Variants in GPC6 observed in about 807,000 individuals in gnomAD.
GPC6 encodes glypican-6.
Under a neutral mutation model 55.2 loss-of-function variants are expected in GPC6, and 14 were observed. The observed-to-expected ratio is 0.25, with a 90% confidence interval of 0.17 to 0.40. The LOEUF (loss-of-function observed/expected upper bound fraction) is 0.40, where lower values mean the gene tolerates loss of function less well. Among genes scored for constraint, GPC6 ranks in the 10% least tolerant of loss-of-function variants. The probability of loss-of-function intolerance (pLI) is 1.00; values close to 1 mark genes in which losing one functional copy is unlikely to be tolerated. For missense variants in GPC6, 641 were observed against 708.5 expected (o/e 0.90, Z 1.08); for synonymous variants, 278 against 259.6 (o/e 1.07, Z -0.68).
At chr13:93,544,375 A>G (rs569452568) in intron 1 of GPC6, among the ~76,000 whole-genome samples, 101 of 152,270 alleles carry the variant, frequency 6.6e-4, no homozygotes, top group Admixed American at 2.0e-3. Context: ...ATTTGTTTTC[A>G]GTGTCCTATG....
intron 2 of GPC6, among the ~76,000 whole-genome samples, chr13:93,691,825 C>CT (rs1299672457): frequency 5.3e-5 from 8 of 151,918 alleles, no homozygotes; most frequent in Non-Finnish European, 1.2e-4. Context: ...TTAAATTTAA[C>CT]TTGTTCAGTA....
At chr13:93,357,530 T>A (rs946670529) in intron 1 of GPC6, among the ~76,000 whole-genome samples, 3 of 152,166 alleles carry the variant, frequency 2.0e-5, no homozygotes, top group African/African-American at 7.2e-5. Context: ...CTGGGCAAAA[T>A]AAGTATTTTC....
At chr13:94,138,210 C>A (rs1887254258) in intron 4 of GPC6, among the ~76,000 whole-genome samples, 1 of 152,204 alleles carries the variant, frequency 6.6e-6, no homozygotes, top group Admixed American at 6.5e-5. Context: ...GATGCTCAAC[C>A]ATTAAGTATA....
intron 1 of GPC6, among the ~76,000 whole-genome samples, chr13:93,468,148 CTT>C (rs1477551146): frequency 6.6e-6 from 1 of 151,912 alleles, no homozygotes; most frequent in Non-Finnish European, 1.5e-5. Context: ...CCTGAAAACT[CTT>C]TAGTAGAGTC....
At chr13:93,689,771 A>G (rs971897123) in intron 2 of GPC6, among the ~76,000 whole-genome samples, 1 of 152,132 alleles carries the variant, frequency 6.6e-6, no homozygotes, top group African/African-American at 2.4e-5. Context: ...AATGTTGCCT[A>G]TGTGCCTTTT....
chr13:93,862,227 A>G (rs983573634), intron 3 of GPC6, among the ~76,000 whole-genome samples: 1 of 151,658 alleles, frequency 6.6e-6, no homozygotes, highest in Non-Finnish European at 1.5e-5. Flanking sequence ...TCTCTCCCAC[A>G]GTAACAGCTA....
At chr13:94,333,946 G>A (rs1032394514) in intron 6 of GPC6, among the ~76,000 whole-genome samples, 1 of 152,190 alleles carries the variant, frequency 6.6e-6, no homozygotes, top group African/African-American at 2.4e-5. Flanking sequence ...CAGAGAAGGA[G>A]AGAGAAAGGT....
intron 4 of GPC6, among the ~76,000 whole-genome samples, chr13:94,173,022 A>G (rs983108048): frequency 6.6e-6 from 1 of 152,194 alleles, no homozygotes; most frequent in Non-Finnish European, 1.5e-5. Context: ...CAACAATGAG[A>G]TGTGTTGACT....
chr13:93,742,456 C>T (rs1286951873), intron 2 of GPC6, among the ~76,000 whole-genome samples: 1 of 152,154 alleles, frequency 6.6e-6, no homozygotes, highest in Non-Finnish European at 1.5e-5. Flanking sequence ...GGGAAGGTTA[C>T]AGGCATTGTG....
At chr13:93,873,116 T>A (rs1889181595) in intron 3 of GPC6, among the ~76,000 whole-genome samples, 1 of 148,112 alleles carries the variant, frequency 6.8e-6, no homozygotes, top group Admixed American at 6.7e-5. Context: ...ATTTTGTGAT[T>A]TTTTTTTTTA....
chr13:94,021,609 G>A (rs1219259790), intron 3 of GPC6, among the ~76,000 whole-genome samples: 1 of 151,428 alleles, frequency 6.6e-6, no homozygotes, highest in Non-Finnish European at 1.5e-5. Flanking sequence ...GTTTCAATGT[G>A]TTGCACTTTA....
At chr13:94,295,443 TCGGAAG>T (rs1566645446) in intron 5 of GPC6, among the ~76,000 whole-genome samples, 1 of 152,148 alleles carries the variant, frequency 6.6e-6, no homozygotes, top group East Asian at 1.9e-4. Flanking sequence ...GCACCTAAGG[TCGGAAG>T]ATCAGACTTG....
chr13:93,679,311 A>G (rs561069961), intron 2 of GPC6, among the ~76,000 whole-genome samples: 3 of 152,284 alleles, frequency 2.0e-5, no homozygotes, highest in African/African-American at 7.2e-5. Context: ...GTTTAAATCC[A>G]TCAAGAGAAA....
chr13:94,132,443 C>T (rs543425905), intron 4 of GPC6, among the ~76,000 whole-genome samples: 3 of 152,288 alleles, frequency 2.0e-5, no homozygotes, highest in Non-Finnish European at 4.4e-5. Flanking sequence ...CCCCTGACCA[C>T]AGCCTTGTGG....
chr13:94,306,284 C>A, intron 6 of GPC6, 161 bp downstream of exon 6: 1 of 765,026 alleles, frequency 1.3e-6, no homozygotes, highest in Non-Finnish European at 2.3e-6. Context: ...TGGGATCTTT[C>A]TTTTGGGTCA....
At chr13:94,017,420 A>C (rs1250063882) in intron 3 of GPC6, among the ~76,000 whole-genome samples, 1 of 152,188 alleles carries the variant, frequency 6.6e-6, no homozygotes, top group Non-Finnish European at 1.5e-5. Context: ...GCAACGGTAC[A>C]TCTTACATGG....
chr13:94,242,285 C>G (rs1475171556), intron 4 of GPC6, among the ~76,000 whole-genome samples: 2 of 152,052 alleles, frequency 1.3e-5, no homozygotes, highest in African/African-American at 4.8e-5. Flanking sequence ...AACACTTTTA[C>G]ACTGTTGGTG....
intron 1 of GPC6, among the ~76,000 whole-genome samples, chr13:93,538,382 C>T (rs1882146167): frequency 6.6e-6 from 1 of 152,052 alleles, no homozygotes; most frequent in Non-Finnish European, 1.5e-5. Context: ...CAGCTCATTT[C>T]TTTATGTTTA....
intron 2 of GPC6, among the ~76,000 whole-genome samples, chr13:93,821,661 C>T (rs1887050103): frequency 6.6e-6 from 1 of 152,246 alleles, no homozygotes; most frequent in African/African-American, 2.4e-5. Context: ...GGAAACATAT[C>T]TTTTCTGTAT....
Sources: gnomAD v4.1 joint callset for allele counts (sites outside exome capture counted in the v4.1 genomes callset) on GRCh38, gnomAD v4.1.1 for gene constraint, MANE v1.5 for transcripts, NCBI Gene and HGNC (gene_info 2026-07-23, HGNC 2026-07-21) for gene names.